NKAIN2: variants seen among roughly 807,000 people sequenced by gnomAD.
NKAIN2 encodes sodium/potassium-transporting ATPase subunit beta-1-interacting protein 2.
NKAIN2 carries 14 observed loss-of-function variants against 32.6 expected under a neutral mutation model. That is an observed-to-expected ratio of 0.43 (90% CI 0.28 to 0.67). The LOEUF is 0.67. Among genes scored for constraint, NKAIN2 ranks in the 30% least tolerant of loss-of-function variants. The pLI is 0.17. For missense variants in NKAIN2, 198 were observed against 258.3 expected, an observed-to-expected ratio of 0.77 and a Z score of 1.60; for synonymous variants, 80 against 87.2, an observed-to-expected ratio of 0.92 and a Z score of 0.46.
intron 3 of NKAIN2, among the ~76,000 whole-genome samples, chr6:124,396,627 T>C (rs1192005811): frequency 1.3e-5 from 2 of 151,982 alleles, no homozygotes. Context: ...AGAATCAGAG[T>C]TGCTGATGGA....
chr6:123,989,079 T>C (rs1263789414), intron 1 of NKAIN2, among the ~76,000 whole-genome samples: 1 of 152,184 alleles, frequency 6.6e-6, no homozygotes, highest in African/African-American at 2.4e-5. Context: ...TGCTACTGTG[T>C]AGTGGATTTT....
At chr6:124,028,703 ACGTG>A (rs1562316926) in intron 1 of NKAIN2, among the ~76,000 whole-genome samples, 14 of 149,532 alleles carry the variant, frequency 9.4e-5, no homozygotes, top group Non-Finnish European at 7.4e-5. Flanking sequence ...ACATGTATAC[ACGTG>A]TATATATACG....
intron 2 of NKAIN2, among the ~76,000 whole-genome samples, chr6:124,343,460 G>A (rs1798240898): frequency 6.6e-6 from 1 of 151,464 alleles, no homozygotes; most frequent in East Asian, 2.0e-4. Flanking sequence ...GTGTAAAAGT[G>A]TTCCTATTTC....
At chr6:124,345,476 G>C (rs1415526610) in intron 2 of NKAIN2, among the ~76,000 whole-genome samples, 2 of 151,886 alleles carry the variant, frequency 1.3e-5, no homozygotes, top group African/African-American at 2.4e-5. Context: ...GACTCTTTTT[G>C]GTTGGTAAGC....
At position 124,755,523 on chromosome 6, in the gene NKAIN2, T is replaced by C. The variant is rs1233458718; in HGVS notation, c.475-35816T>C. On this transcript the variant is annotated intron_variant, in intron 4 of 6. Coordinates refer to ENST00000368417, the MANE Select transcript of NKAIN2 (RefSeq NM_001040214.3). ...CCATCACATGTACCATGGAATACTA[T>C]GCAGCCATAAAAAAGAATGAGATTA... 3.3e-5 allele frequency among the ~76,000 whole-genome samples: 5 copies of C among 152,284 alleles called. No individual in the cohort carries two copies. The East Asian group carries it at 7.7e-4, about 24-fold the overall frequency.
chr6:123,981,979 G>A (rs903084109), intron 1 of NKAIN2, among the ~76,000 whole-genome samples: 2 of 152,158 alleles, frequency 1.3e-5, no homozygotes, highest in Non-Finnish European at 2.9e-5. Context: ...GCAATTTTGT[G>A]TCCAGGGTTA....
chr6:124,134,922 C>T (rs1353675642), intron 1 of NKAIN2, among the ~76,000 whole-genome samples: 1 of 152,040 alleles, frequency 6.6e-6, no homozygotes, highest in Non-Finnish European at 1.5e-5. Context: ...ATAAAGGAAA[C>T]CCTATCAGAT....
chr6:123,898,055 A>G (rs1774367496), intron 1 of NKAIN2, among the ~76,000 whole-genome samples: 2 of 152,190 alleles, frequency 1.3e-5, no homozygotes, highest in South Asian at 4.1e-4. Context: ...ACAAATTTAT[A>G]CTTACAGCAC....
At chr6:124,278,079 AC>A (rs1351371202) in intron 1 of NKAIN2, among the ~76,000 whole-genome samples, 4 of 152,202 alleles carry the variant, frequency 2.6e-5, no homozygotes, top group Admixed American at 1.3e-4. Context: ...TCTTAAGGAG[AC>A]CAATTACAGG....
chr6:124,647,775 T>G (rs1020540869), intron 3 of NKAIN2, among the ~76,000 whole-genome samples: 2 of 152,092 alleles, frequency 1.3e-5, no homozygotes, highest in Non-Finnish European at 2.9e-5. Context: ...TCCACATGAT[T>G]CTGAGAGAAA....
At chr6:124,741,158 G>C (rs745835515) in intron 4 of NKAIN2, among the ~76,000 whole-genome samples, 11 of 151,514 alleles carry the variant, frequency 7.3e-5, no homozygotes, top group Non-Finnish European at 1.5e-4. Context: ...AGTTAGAGGA[G>C]GAAAATCAGT....
At chr6:124,304,110 T>C (rs1796414657) in intron 2 of NKAIN2, among the ~76,000 whole-genome samples, 1 of 152,118 alleles carries the variant, frequency 6.6e-6, no homozygotes, top group Non-Finnish European at 1.5e-5. Flanking sequence ...TGTATAGGAA[T>C]CTGGAACTCA....
At chr6:124,091,740 A>G (rs1338208839) in intron 1 of NKAIN2, among the ~76,000 whole-genome samples, 1 of 151,860 alleles carries the variant, frequency 6.6e-6, no homozygotes, top group Admixed American at 6.6e-5. Flanking sequence ...GGTTGCTACC[A>G]TCTACAAACA....
At chr6:124,167,995 C>T (rs1204910227) in intron 1 of NKAIN2, among the ~76,000 whole-genome samples, 1 of 152,150 alleles carries the variant, frequency 6.6e-6, no homozygotes, top group African/African-American at 2.4e-5. Flanking sequence ...GAATCCAAAA[C>T]CCATGTGGTA....
At chr6:124,636,107 T>C (rs1783763095) in intron 3 of NKAIN2, among the ~76,000 whole-genome samples, 1 of 151,162 alleles carries the variant, frequency 6.6e-6, no homozygotes, top group African/African-American at 2.4e-5. Context: ...CAGACCACAA[T>C]AGAATAAAAC....
chr6:124,479,586 T>C (rs1777365035), intron 3 of NKAIN2, among the ~76,000 whole-genome samples: 1 of 152,188 alleles, frequency 6.6e-6, no homozygotes. Context: ...ATGAAAGCTG[T>C]AACATTTTAA....
intron 3 of NKAIN2, among the ~76,000 whole-genome samples, chr6:124,459,295 A>G (rs776444242): frequency 6.6e-6 from 1 of 151,890 alleles, no homozygotes; most frequent in Non-Finnish European, 1.5e-5. Flanking sequence ...TCCTGGCTCT[A>G]TGGCTTACAT....
chr6:123,996,124 T>C (rs1313927451), intron 1 of NKAIN2, among the ~76,000 whole-genome samples: 1 of 152,092 alleles, frequency 6.6e-6, no homozygotes, highest in Non-Finnish European at 1.5e-5. Flanking sequence ...AAAACAGTAA[T>C]GTTAATATAA....
chr6:123,978,199 G>A (rs1314185666), intron 1 of NKAIN2, among the ~76,000 whole-genome samples: 1 of 152,058 alleles, frequency 6.6e-6, no homozygotes, highest in African/African-American at 2.4e-5. Context: ...GTTGCAGTTG[G>A]ACTCTGTTAG....
Sources: gnomAD v4.1 joint callset for allele counts (sites outside exome capture counted in the v4.1 genomes callset) on GRCh38, gnomAD v4.1.1 for gene constraint, MANE v1.5 for transcripts, NCBI Gene and HGNC (gene_info 2026-07-23, HGNC 2026-07-21) for gene names.